Variants in SF1 observed in about 807,000 individuals in gnomAD.
SF1 encodes the protein splicing factor 1, also known as branch point-binding protein.
Under a neutral mutation model 62.5 loss-of-function variants are expected in SF1, and 7 were observed. The ratio of observed to expected loss-of-function variants is 0.11; its 90% CI spans 0.06 to 0.21. SF1 has a LOEUF of 0.21. SF1 is among the 10% of genes least tolerant of loss of function. The probability of loss-of-function intolerance (pLI) is 1.00; values close to 1 mark genes in which losing one functional copy is unlikely to be tolerated. For synonymous variants in SF1, 394 were observed against 323.6 expected (o/e 1.22, Z -2.33); for missense variants, 578 against 884.0 (o/e 0.65, Z 4.39).
At chr11:64,771,910 G>C (rs1242984760) in intron 3 of SF1, 1 of 985,200 alleles carries the variant, frequency 1.0e-6, no homozygotes, top group African/African-American at 1.7e-5. Context: ...TTTCAAAACT[G>C]AATAGAAGGG....
chr11:64,769,656 C>A (rs551419777), intron 5 of SF1, 47 bp from the exon 6 acceptor site: 1 of 1,548,108 alleles, frequency 6.5e-7, no homozygotes, highest in South Asian at 1.2e-5. Flanking sequence ...AATTCACACT[C>A]AAGAGGGAAG....
rs189822486 is a variant in SF1, at chr11:64,765,860, G to A, written c.1878C>T (p.Phe626=). 376 of 1,560,316 alleles carry A rather than the reference G, an allele frequency of 2.4e-4. 2 individuals are homozygous for A. The African/African-American group carries it at 3.5e-3, about 15-fold the overall frequency. Residue 626 remains phenylalanine, a synonymous_variant, in exon 13 of 13, where the codon TTC becomes TTT. Coordinates refer to ENST00000377390, the MANE Select transcript of SF1 (RefSeq NM_004630.4). ...MGMGVAGMPP[F]GMPPAPPPPP... Reference sequence around the variant, plus strand: ...GCGGTGGGGGAGCTGGAGGCATCCCGAAGGGCGGCATGCCCGCCACCCCCA... The same window carrying A: ...GCGGTGGGGGAGCTGGAGGCATCCCAAAGGGCGGCATGCCCGCCACCCCCA...
rs779041586 is a variant in SF1 at position 64,765,625 on chromosome 11, CCTA to C, written c.*190_*192del. On this transcript the variant is annotated 3_prime_UTR_variant, in exon 13 of 13. Transcript: ENST00000377390. Reference sequence around the variant, plus strand: ...CGCCAGGAGAGCCCAAGCTGGCGCCCCTACTACCACCTGCCCGTTCCCAAGCGA... The same window carrying C: ...CGCCAGGAGAGCCCAAGCTGGCGCCCCTACCACCTGCCCGTTCCCAAGCGA... The C allele has an allele frequency of 5.3e-5, 79 of 1,496,264 alleles. No homozygotes were observed. Among genetic ancestry groups the C allele is most frequent in the Admixed American group, 7.2e-5 (3 of 41,594 alleles). The allele number at this position is 1,496,264 out of a possible 1,614,324, so 92.7% of individuals were successfully genotyped here.
At chr11:64,778,156 A>AGGCGGAGGGGGCGGC (rs1047507864) in intron 1 of SF1, 16 of 761,322 alleles carry the variant, frequency 2.1e-5, no homozygotes, top group African/African-American at 8.1e-5. Context: ...GCTGCTGGGG[A>AGGCGGAGGGGGCGGC]GGCGGAGGGG....
rs1382997584 is a variant in SF1, at chr11:64,765,072, CAG to C, written c.*744_*745del. 6.1e-6 allele frequency: 1 copy of C among 164,952 alleles called. No homozygotes were observed. The highest frequency in any genetic ancestry group is 1.3e-5 in the Non-Finnish European group (1 of 76,296). The allele number at this position is 164,952 out of a possible 1,614,324, so 10.2% of individuals were successfully genotyped here. On this transcript the variant is annotated 3_prime_UTR_variant, in exon 13 of 13. Transcript: ENST00000377390. ...TACAAGACTCCCTTGACAAGGGTGG[CAG>C]AGATTAAAAAACCCCACGCTTTAAA...
chr11:64,776,454 C>A, intron 2 of SF1, 44 bp downstream of exon 2: 1 of 1,522,136 alleles, frequency 6.6e-7, no homozygotes, highest in Non-Finnish European at 8.9e-7. Context: ...CAGAATAAAT[C>A]GTAACAATCT....
rs1426773303 is a variant in SF1 at position 64,767,619 on chromosome 11, T to C, written c.1294A>G (p.Met432Val). Residue 432 changes from methionine (M) to valine (V), a missense_variant, in exon 10 of 13, where the codon ATG becomes GTG. By Grantham distance (21) the Met-to-Val change is conservative. Coordinates refer to ENST00000377390, the MANE Select transcript of SF1 (RefSeq NM_004630.4). ...PPWMQPPPPPMNQGPHPPGHH... is the reference protein window; with the variant it reads ...PPWMQPPPPPVNQGPHPPGHH... ...CCAGGAGGGTGGGGGCCCTGGTTCA[T>C]CGGTGGTGGTGGTGGCTGCATCCAA... 1 of 1,586,848 alleles carries C rather than the reference T, an allele frequency of 6.3e-7. No homozygotes were observed. Among genetic ancestry groups the C allele is most frequent in the African/African-American group, 1.4e-5 (1 of 73,462 alleles).
intron 1 of SF1, chr11:64,777,999 C>A: frequency 1.0e-6 from 1 of 999,028 alleles, no homozygotes; most frequent in Non-Finnish European, 1.2e-6. Context: ...CCTCCGCCGC[C>A]GGCCGGGCCC....
chr11:64,770,342 G>C lies in SF1; in HGVS notation c.303C>G (p.Thr101=). 1.2e-6 allele frequency: 2 copies of C among 1,614,134 alleles called. No homozygotes were observed. Among genetic ancestry groups the C allele is most frequent in the Admixed American group, 1.7e-5 (1 of 60,026 alleles). ...GKRLNTREFR[T]RKKLEEERHN... ...GCCGCTCCTCTTCCAGCTTTTTGCGGGTGCGGAACTCTCGGGTGTTAAGCC... is the reference window on the plus strand; with the variant it reads ...GCCGCTCCTCTTCCAGCTTTTTGCGCGTGCGGAACTCTCGGGTGTTAAGCC... Residue 101 remains threonine (T), a synonymous_variant, in exon 4 of 13, where the codon ACC becomes ACG. Coordinates refer to ENST00000377390, the MANE Select transcript of SF1 (RefSeq NM_004630.4).
At position 64,778,378 on chromosome 11, in the gene SF1, C is replaced by T. The variant is rs956276645; in HGVS notation, c.15G>A (p.Ala5=). The change falls in exon 1 of 13, where the codon GCG becomes GCA. Residue 5 remains alanine, a synonymous_variant. Transcript: ENST00000377390. The part of the protein sequence containing the change: MATG[A]NATPLDFPSK... Reference sequence around the variant, plus strand: ...CCAGCTTACCCAACGGCGTGGCGTTCGCTCCGGTCGCCATGGCGCCCCCGG... The same window carrying T: ...CCAGCTTACCCAACGGCGTGGCGTTTGCTCCGGTCGCCATGGCGCCCCCGG... 2 of 1,227,840 alleles carry T rather than the reference C, an allele frequency of 1.6e-6. No individual in the cohort carries two copies. Among genetic ancestry groups the T allele is most frequent in the African/African-American group, 1.6e-5 (1 of 64,012 alleles). 76.1% of individuals were successfully genotyped at this position (1,227,840 alleles called of 1,614,324 possible).
rs756992137 is a variant in SF1 at position 64,766,648 on chromosome 11, C to T, written c.1582+252G>A. The T allele has an allele frequency of 3.2e-4, 141 of 442,782 alleles. 1 individual carries two copies. The highest frequency in any genetic ancestry group is 8.1e-4 in the South Asian group (15 of 18,444). The allele number at this position is 442,782 out of a possible 1,614,324, so 27.4% of individuals were successfully genotyped here. A position where few individuals can be genotyped will look rare whatever the true frequency, so the allele number is the denominator to read the frequency against. On this transcript the variant is annotated intron_variant, in intron 12 of 12. Transcript: ENST00000377390. ...GCCTGCGAGGGTCTGGACTTCTGGC[C>T]CCCTACCTACAATAGCAGGCTCCCC... is the stretch of plus-strand genomic sequence containing the variant.
chr11:64,771,275 G>GT (rs1468948067), intron 3 of SF1, among the ~76,000 whole-genome samples: 1 of 152,144 alleles, frequency 6.6e-6, no homozygotes, highest in South Asian at 2.1e-4. Context: ...AAAATGGTCA[G>GT]TTTACCACAG....
At chr11:64,778,114 G>GCC in intron 1 of SF1, 4 of 862,642 alleles carry the variant, frequency 4.6e-6, no homozygotes, top group Non-Finnish European at 5.7e-6. Flanking sequence ...GGTACGAGGC[G>GCC]CCGGGGGACG....
chr11:64,776,656 G>A (rs1268711907), intron 1 of SF1, 30 bp from the exon 2 acceptor site: 11 of 1,602,212 alleles, frequency 6.9e-6, no homozygotes, highest in Non-Finnish European at 9.4e-6. Context: ...TCCATCCGAT[G>A]TAAATACAAG....
At position 64,766,047 on chromosome 11, in the gene SF1, G is replaced by A; in HGVS notation, c.1691C>T (p.Pro564Leu). The A allele has an allele frequency of 6.2e-7, 1 of 1,611,366 alleles. No homozygotes were observed. Among genetic ancestry groups the A allele is most frequent in the Non-Finnish European group, 8.5e-7 (1 of 1,179,362 alleles). Residue 564 changes from proline to leucine, a missense_variant, in exon 13 of 13, where the codon CCC becomes CTC. This residue lies in a region of SF1 where 410 missense variants were observed against 452.4 expected (regional missense o/e 0.91). Transcript: ENST00000377390. ...CCCGGGGGGCAGGGGCACCATAGTGGGGTTGCCTTGCATCTGAGGGGCTCC... is the reference window on the plus strand; with the variant it reads ...CCCGGGGGGCAGGGGCACCATAGTGAGGTTGCCTTGCATCTGAGGGGCTCC... Reference protein sequence around the residue: ...SPGAPQMQGNPTMVPLPPGVQ... With the variant: ...SPGAPQMQGNLTMVPLPPGVQ...
At chr11:64,776,093 T>C (rs1260483795) in intron 2 of SF1, 1 of 156,966 alleles carries the variant, frequency 6.4e-6, no homozygotes, top group Non-Finnish European at 1.4e-5. Context: ...GGGGGAGAAA[T>C]ATAAAATTAT....
intron 3 of SF1, chr11:64,771,973 C>G (rs2135940251): frequency 1.0e-6 from 1 of 985,344 alleles, no homozygotes; most frequent in East Asian, 1.1e-4. Context: ...TTTCTAATTC[C>G]CACCCCACAG....
In SF1 at chr11:64,774,661, T is replaced by C. The variant is rs113003711; in HGVS notation, c.161-1156A>G. ...CCCTGAAGAAATGAAAACCCATTATTATCGAAAGAAAATACTGGCCGGGCA... is the reference window on the plus strand; with the variant it reads ...CCCTGAAGAAATGAAAACCCATTATCATCGAAAGAAAATACTGGCCGGGCA... On this transcript the variant is annotated intron_variant, in intron 2 of 12. Coordinates refer to ENST00000377390, the MANE Select transcript of SF1 (RefSeq NM_004630.4). 5.3e-3 allele frequency among the ~76,000 whole-genome samples: 803 copies of C among 152,148 alleles called. 7 individuals are homozygous for C. The highest frequency in any genetic ancestry group is 0.019 in the African/African-American group (768 of 41,508).
chr11:64,776,328 CTGCAAA>C (rs1939236786), intron 2 of SF1, 164 bp downstream of exon 2: 1 of 665,050 alleles, frequency 1.5e-6, no homozygotes. Flanking sequence ...AAACAAGGAG[CTGCAAA>C]TGCAGAACTC....
Sources: gnomAD v4.1 joint callset for allele counts (sites outside exome capture counted in the v4.1 genomes callset) on GRCh38, gnomAD v4.1.1 for gene constraint, gnomAD v4.1.1 regional missense constraint, MANE v1.5 for transcripts, NCBI Gene and HGNC (gene_info 2026-07-23, HGNC 2026-07-21) for gene names.